OXCT1: variants seen among roughly 807,000 people sequenced by gnomAD.
OXCT1 encodes 3-oxoacid CoA-transferase 1.
In OXCT1, 27 loss-of-function variants were observed where a neutral mutation model predicts 69.6. The observed-to-expected ratio is 0.39, with a 90% CI of 0.29 to 0.54. The LOEUF is 0.54. Among genes scored for constraint, OXCT1 ranks in the 20% least tolerant of loss-of-function variants. OXCT1 has a pLI of 0.72. For missense variants in OXCT1, 437 were observed against 650.2 expected, an observed-to-expected ratio of 0.67 and a Z score of 3.57; for synonymous variants, 202 against 217.8, an observed-to-expected ratio of 0.93 and a Z score of 0.64.
intron 13 of OXCT1, among the ~76,000 whole-genome samples, chr5:41,777,425 C>T (rs576106421): frequency 9.9e-5 from 15 of 152,042 alleles, no homozygotes; most frequent in South Asian, 8.3e-4. Context: ...TAAAAAAAAC[C>T]GTTCAATGAA....
intron 1 of OXCT1, among the ~76,000 whole-genome samples, chr5:41,869,826 A>T (rs1488234084): frequency 1.3e-5 from 2 of 152,120 alleles, no homozygotes; most frequent in East Asian, 3.9e-4. Context: ...CTGGGCCTCT[A>T]GAGGTTCCTC....
chr5:41,739,313 T>C (rs1743040847), intron 16 of OXCT1, 77 bp downstream of exon 16: 1 of 963,436 alleles, frequency 1.0e-6, no homozygotes, highest in Non-Finnish European at 1.7e-6. Flanking sequence ...AAATTAATGG[T>C]TCATGTCCTG....
intron 7 of OXCT1, among the ~76,000 whole-genome samples, chr5:41,815,192 C>T (rs1359473795): frequency 1.3e-5 from 2 of 152,068 alleles, no homozygotes; most frequent in African/African-American, 4.8e-5. Context: ...ACTGTTACTT[C>T]ATATACCATC....
chr5:41,748,206 G>C lies in OXCT1; in HGVS notation c.1419+1321C>G, dbSNP rs756839140. Among the ~76,000 whole-genome samples, 23 of 152,038 alleles carry C rather than the reference G, an allele frequency of 1.5e-4. 1 individual carries two copies. On this transcript the variant is annotated intron_variant, in intron 15 of 16. Transcript: ENST00000196371. The stretch of plus-strand genomic sequence containing the variant: ...GTGCAAAACCTCTTCATCATGAAGA[G>C]GGAAAATGCATTAGGTTTAAAGGAC...
At chr5:41,863,726 A>G (rs1287729802) in intron 1 of OXCT1, among the ~76,000 whole-genome samples, 1 of 152,218 alleles carries the variant, frequency 6.6e-6, no homozygotes. Flanking sequence ...GTCATCAAGC[A>G]TCAGTTTCTG....
intron 7 of OXCT1, among the ~76,000 whole-genome samples, chr5:41,839,897 G>A (rs369596409): frequency 3.9e-5 from 6 of 152,180 alleles, no homozygotes; most frequent in African/African-American, 9.7e-5. Flanking sequence ...AAAATGGCAC[G>A]GTTTTGGTAT....
chr5:41,862,670 G>A lies in OXCT1; in HGVS notation c.159C>T (p.Ile53=), dbSNP rs769421395. 1.2e-6 allele frequency: 2 copies of A among 1,611,674 alleles called. No homozygotes were observed. The highest frequency in any genetic ancestry group is 3.3e-5 in the Admixed American group (2 of 59,964). Residue 53 remains isoleucine (I), a synonymous_variant, in exon 2 of 17, where the codon ATC becomes ATT. Transcript: ENST00000196371. ...YTDPVEAVKD[I]PDGATVLVGG... is the part of the protein sequence containing the mutation. The stretch of plus-strand genomic sequence containing the variant: ...CAACCAAAACCGTGGCACCATCAGG[G>A]ATGTCTTTTACAGCTTCTACTGGAT...
At chr5:41,764,662 G>C (rs1449999460) in intron 13 of OXCT1, among the ~76,000 whole-genome samples, 1 of 152,084 alleles carries the variant, frequency 6.6e-6, no homozygotes, top group African/African-American at 2.4e-5. Flanking sequence ...AATTTCAACT[G>C]TTCTCTTTCC....
intron 14 of OXCT1, among the ~76,000 whole-genome samples, chr5:41,761,562 G>A (rs1383326405): frequency 6.6e-6 from 1 of 152,066 alleles, no homozygotes; most frequent in Non-Finnish European, 1.5e-5. Context: ...GCATGTAACA[G>A]GCACTCAAAT....
intron 13 of OXCT1, among the ~76,000 whole-genome samples, chr5:41,779,112 G>GA (rs1475681122): frequency 3.3e-5 from 5 of 152,162 alleles, no homozygotes; most frequent in African/African-American, 1.2e-4. Context: ...TTAGAAGCCT[G>GA]AACCAGGTAG....
chr5:41,840,365 C>T (rs1394891497), intron 7 of OXCT1, 86 bp downstream of exon 7: 2 of 993,172 alleles, frequency 2.0e-6, no homozygotes, highest in Non-Finnish European at 3.2e-6. Flanking sequence ...ATCCATAAAA[C>T]AAATGAACTG....
intron 15 of OXCT1, chr5:41,739,707 T>C (rs1275085829): frequency 1.2e-5 from 3 of 242,920 alleles, no homozygotes; most frequent in African/African-American, 1.0e-4. Flanking sequence ...CTACTAAAAA[T>C]ACAAAAAAAA....
At chr5:41,827,556 T>A (rs1374600619) in intron 7 of OXCT1, among the ~76,000 whole-genome samples, 1 of 152,160 alleles carries the variant, frequency 6.6e-6, no homozygotes, top group Non-Finnish European at 1.5e-5. Flanking sequence ...GGTGCTCAAG[T>A]GTGAAGTTCT....
At chr5:41,841,588 G>C (rs554858169) in intron 6 of OXCT1, among the ~76,000 whole-genome samples, 3 of 152,320 alleles carry the variant, frequency 2.0e-5, no homozygotes, top group Non-Finnish European at 4.4e-5. Context: ...TCAGTGCCCA[G>C]AATAGCCCTT....
At chr5:41,801,288 T>A (rs2112258146) in intron 10 of OXCT1, among the ~76,000 whole-genome samples, 1 of 152,280 alleles carries the variant, frequency 6.6e-6, no homozygotes, top group East Asian at 1.9e-4. Flanking sequence ...AAAAATATTT[T>A]CTAAAAATTA....
intron 15 of OXCT1, among the ~76,000 whole-genome samples, chr5:41,742,703 A>G (rs990314915): frequency 1.3e-5 from 2 of 151,638 alleles, no homozygotes; most frequent in Non-Finnish European, 2.9e-5. Flanking sequence ...TCATTGTTCA[A>G]TTCTCACCTA....
intron 14 of OXCT1, among the ~76,000 whole-genome samples, chr5:41,753,136 C>T (rs1743877458): frequency 6.6e-6 from 1 of 152,072 alleles, no homozygotes; most frequent in Non-Finnish European, 1.5e-5. Context: ...TCCAAATAAG[C>T]TCTTTATCAC....
intron 7 of OXCT1, among the ~76,000 whole-genome samples, chr5:41,832,333 CAG>C (rs148562121): frequency 0.012 from 1,731 of 146,146 alleles, 17 homozygotes; most frequent in African/African-American, 0.028. Flanking sequence ...CGGTTCAGCA[CAG>C]AGAGAGAGAG....
Position 41,788,508 on chromosome 5 carries a change from T to C in OXCT1, c.1248+5495A>G, listed in dbSNP as rs551228741. On this transcript the variant is annotated intron_variant, in intron 13 of 16. Transcript: ENST00000196371. ...TTACAGGCAGAAGAATGGAGAAACA[T>C]ACTTTGAAGAGTGACTATATCAGCA... is the stretch of plus-strand genomic sequence containing the variant. 5.5e-4 allele frequency among the ~76,000 whole-genome samples: 84 copies of C among 152,246 alleles called. 1 individual carries two copies. In the South Asian group the frequency reaches 0.012, roughly 22 times the overall value.
Sources: gnomAD v4.1 joint callset for allele counts (sites outside exome capture counted in the v4.1 genomes callset) on GRCh38, gnomAD v4.1.1 for gene constraint, MANE v1.5 for transcripts, NCBI Gene and HGNC (gene_info 2026-07-23, HGNC 2026-07-21) for gene names.